The following TBL1X variants were observed in gnomAD, a reference collection of about 807,000 sequenced individuals.
TBL1X encodes transducin beta like 1 X-linked.
A neutral mutation model predicts 50.7 loss-of-function variants in TBL1X; 10 were observed. The ratio of observed to expected loss-of-function variants is 0.20; its 90% confidence interval spans 0.12 to 0.33. TBL1X has a LOEUF of 0.33. Among genes scored for constraint, TBL1X ranks in the 10% least tolerant of loss-of-function variants. TBL1X has a pLI of 1.00. For synonymous variants in TBL1X, 190 were observed against 214.7 expected, an observed-to-expected ratio of 0.88 and a Z score of 1.01; for missense variants, 340 against 504.4, an observed-to-expected ratio of 0.67 and a Z score of 3.12.
At chrX:9,531,354 G>GGTGTGTGT (rs57905343) in intron 2 of TBL1X, among the ~76,000 whole-genome samples, 5,909 of 75,026 alleles carry the variant, frequency 0.079, 254 homozygotes, top group Admixed American at 0.11. Context: ...GAACCTGGAG[G>GGTGTGTGT]GTGTGTGTGT....
intron 2 of TBL1X, among the ~76,000 whole-genome samples, chrX:9,536,767 C>T (rs936475719): frequency 1.8e-5 from 2 of 111,480 alleles, no homozygotes; most frequent in Admixed American, 1.9e-4. Flanking sequence ...CACTGTTGTG[C>T]CTTTAACCTC....
intron 3 of TBL1X, chrX:9,645,170 C>G (rs1279796823): frequency 8.9e-6 from 1 of 112,005 alleles, no homozygotes; most frequent in African/African-American, 3.3e-5. Context: ...TGTCGGCTCA[C>G]TGCAGCCTCC....
intron 2 of TBL1X, among the ~76,000 whole-genome samples, chrX:9,615,624 G>A (rs2082635495): frequency 1.8e-5 from 2 of 112,188 alleles, no homozygotes; most frequent in South Asian, 7.5e-4. Flanking sequence ...CTGAGTTTTA[G>A]CCCTGTAACC....
intron 12 of TBL1X, among the ~76,000 whole-genome samples, chrX:9,699,277 C>T (rs1006148347): frequency 3.6e-5 from 4 of 111,902 alleles, no homozygotes; most frequent in African/African-American, 1.3e-4. Context: ...CCTCCCTCCT[C>T]TGTGTAACTC....
Position 9,479,938 on chromosome X carries a change from A to ATGTGTGTGTGTG in TBL1X, c.-201+14507_-201+14518dup, listed in dbSNP as rs112927270. 3.4e-4 allele frequency among the ~76,000 whole-genome samples: 32 copies of ATGTGTGTGTGTG among 94,993 alleles called. 1 individual carries two copies. Among genetic ancestry groups the ATGTGTGTGTGTG allele is most frequent in the African/African-American group, 9.8e-4 (25 of 25,433 alleles). The allele number at this position is 94,993 out of a possible 115,157, so 82.5% of individuals were successfully genotyped here. On this transcript the variant is annotated intron_variant, in intron 1 of 17. Coordinates refer to ENST00000645353, the MANE Select transcript of TBL1X (RefSeq NM_005647.4). ...ATGCAAGGCGTAGAAGGAAAGTAGA[A>ATGTGTGTGTGTG]TGTGTGTGTGTGTGTGTGTGTGTGT...
chrX:9,548,213 A>G (rs1178384440), intron 2 of TBL1X, among the ~76,000 whole-genome samples: 1 of 110,818 alleles, frequency 9.0e-6, no homozygotes, highest in Non-Finnish European at 1.9e-5. Context: ...ATTTTAAGAT[A>G]TGCATATTTT....
chrX:9,570,118 G>A (rs1299248025), intron 2 of TBL1X, among the ~76,000 whole-genome samples: 2 of 112,251 alleles, frequency 1.8e-5, no homozygotes, highest in South Asian at 7.4e-4. Flanking sequence ...GAACAATTGC[G>A]TTTTGTGGTC....
Position 9,693,461 on chromosome X carries a change from G to A in TBL1X, c.1053+42G>A. ...AATACATCCCTTTGATCTATAGGTG[G>A]TTATATATTTTTAATCTCAAAATAA... On this transcript the variant is annotated intron_variant, in intron 11 of 17. Coordinates refer to ENST00000645353, the MANE Select transcript of TBL1X (RefSeq NM_005647.4). 4 of 1,111,390 alleles carry A rather than the reference G, an allele frequency of 3.6e-6. No homozygotes were observed. In the Middle Eastern group the frequency reaches 7.2e-4, roughly 201 times the overall value. 91.6% of individuals were successfully genotyped at this position (1,111,390 alleles called of 1,213,427 possible).
intron 5 of TBL1X, among the ~76,000 whole-genome samples, chrX:9,673,251 C>T (rs909394458): frequency 8.9e-6 from 1 of 112,668 alleles, no homozygotes; most frequent in Admixed American, 9.3e-5. Context: ...ATCTTTCCTA[C>T]TGCCTCCTTG....
chrX:9,681,396 T>C (rs1330217577), intron 5 of TBL1X, among the ~76,000 whole-genome samples: 2 of 112,517 alleles, frequency 1.8e-5, no homozygotes, highest in Non-Finnish European at 3.7e-5. Flanking sequence ...CACATGATCC[T>C]TGGGCGGGTT....
intron 2 of TBL1X, among the ~76,000 whole-genome samples, chrX:9,607,746 A>AC (rs2082590882): frequency 8.9e-6 from 1 of 112,277 alleles, no homozygotes; most frequent in Non-Finnish European, 1.9e-5. Flanking sequence ...TAGAAGTAGA[A>AC]CATGAAAGAG....
chrX:9,576,070 A>G (rs1601769416), intron 2 of TBL1X, among the ~76,000 whole-genome samples: 1 of 112,177 alleles, frequency 8.9e-6, no homozygotes, highest in East Asian at 2.8e-4. Flanking sequence ...GAAAGTGTCT[A>G]TTTTGTAAAG....
chrX:9,577,161 G>A (rs143516399), intron 2 of TBL1X, among the ~76,000 whole-genome samples: 4 of 112,085 alleles, frequency 3.6e-5, no homozygotes, highest in East Asian at 2.8e-4. Flanking sequence ...CATGATGTAC[G>A]GAATGTCTTG....
At chrX:9,702,049 C>T (rs947744836) in intron 12 of TBL1X, among the ~76,000 whole-genome samples, 1 of 111,498 alleles carries the variant, frequency 9.0e-6, no homozygotes, top group African/African-American at 3.3e-5. Context: ...AGGCTTGCAC[C>T]TCTTATTTGA....
intron 1 of TBL1X, among the ~76,000 whole-genome samples, chrX:9,479,395 G>A (rs2081867204): frequency 8.9e-6 from 1 of 112,333 alleles, no homozygotes; most frequent in South Asian, 3.6e-4. Flanking sequence ...GCAGTGAGCT[G>A]AGATCACGCC....
chrX:9,584,516 G>A (rs1405576749), intron 2 of TBL1X, among the ~76,000 whole-genome samples: 1 of 112,053 alleles, frequency 8.9e-6, no homozygotes, highest in Non-Finnish European at 1.9e-5. Flanking sequence ...TTTCTGGAAG[G>A]AAATACCAAA....
At chrX:9,693,507 C>G (rs763731392) in intron 11 of TBL1X, 88 bp downstream of exon 11, 2 of 877,978 alleles carry the variant, frequency 2.3e-6, no homozygotes, top group Non-Finnish European at 3.2e-6. Context: ...TCTTGGAACT[C>G]GTAGGCTTTG....
At chrX:9,622,193 A>G (rs1221064892) in intron 2 of TBL1X, among the ~76,000 whole-genome samples, 1 of 110,740 alleles carries the variant, frequency 9.0e-6, no homozygotes, top group Non-Finnish European at 1.9e-5. Flanking sequence ...TGCACATAAC[A>G]TTACATTTAC....
In TBL1X at chrX:9,600,938, ATCT is replaced by A. The variant is rs2082553547; in HGVS notation, c.-130-39330_-130-39328del. Among the ~76,000 whole-genome samples the A allele has an allele frequency of 3.6e-5, 4 of 111,778 alleles. No homozygotes were observed. In the South Asian group the frequency reaches 1.5e-3, roughly 42 times the overall value. On this transcript the variant is annotated intron_variant, in intron 2 of 17. Transcript: ENST00000645353. Reference sequence around the variant, plus strand: ...AGAAGTGGAATTTTATCCAGAGGTGATCTTCTTGGAATAGAGAGAACAAACAGG... The same window carrying A: ...AGAAGTGGAATTTTATCCAGAGGTGATCTTGGAATAGAGAGAACAAACAGG...
Sources: gnomAD v4.1 joint callset for allele counts (sites outside exome capture counted in the v4.1 genomes callset) on GRCh38, gnomAD v4.1.1 for gene constraint, MANE v1.5 for transcripts, NCBI Gene and HGNC (gene_info 2026-07-23, HGNC 2026-07-21) for gene names.